Variants in ANK2 observed in about 807,000 individuals in gnomAD.
The protein encoded by ANK2 is ankyrin-2.
ANK2 carries 83 observed loss-of-function variants against 360.5 expected under a neutral mutation model. The observed-to-expected ratio is 0.23, with a 90% CI of 0.19 to 0.28. ANK2 has a LOEUF of 0.28. ANK2 is among the 10% of genes least tolerant of loss of function. The pLI is 1.00. For synonymous variants in ANK2, 1,740 were observed against 1,759.5 expected (o/e 0.99, Z 0.28); for missense variants, 4,201 against 4,795.7 (o/e 0.88, Z 3.66).
chr4:112,927,932 G>T (rs1187871110), intron 2 of ANK2, among the ~76,000 whole-genome samples: 1 of 152,148 alleles, frequency 6.6e-6, no homozygotes, highest in African/African-American at 2.4e-5. Flanking sequence ...GCTGTCACTA[G>T]ATACTTTCCG....
At chr4:112,763,460 C>G in the ANK2 span, among the ~76,000 whole-genome samples, 4 of 151,674 alleles carry the variant, frequency 2.6e-5, no homozygotes, top group African/African-American at 9.7e-5. Flanking sequence ...TCTCGATCTC[C>G]TGACCTCGTG....
At chr4:113,342,498 C>T (rs746334717) in intron 33 of ANK2, among the ~76,000 whole-genome samples, 2 of 152,032 alleles carry the variant, frequency 1.3e-5, no homozygotes, top group Non-Finnish European at 1.5e-5. Context: ...GTCACCAGTT[C>T]GAGACCAACC....
chr4:113,094,050 TC>T (rs1362654526), intron 1 of ANK2, among the ~76,000 whole-genome samples: 1 of 152,232 alleles, frequency 6.6e-6, no homozygotes, highest in African/African-American at 2.4e-5. Flanking sequence ...TCTTGGACCT[TC>T]CTTAATCTGT....
chr4:113,332,894 G>A (rs2092793532), intron 28 of ANK2, 160 bp from the exon 29 acceptor site: 3 of 959,060 alleles, frequency 3.1e-6, no homozygotes, highest in Non-Finnish European at 4.9e-6. Context: ...GAGTGCTACT[G>A]TGTGACCATC....
Position 113,353,961 on chromosome 4 carries a change from GAA to G in ANK2, c.5345_5346del (p.Lys1782ArgfsTer44). On this transcript the variant is annotated frameshift_variant, in exon 38 of 46. Transcript: ENST00000357077. LOFTEE classifies it high-confidence loss of function. ...TTCAGAAGCGAGTGGAAGATGAACAGAAAGGTCGAAGCAAGTTGCCCATCAGA... is the reference window on the plus strand; with the variant it reads ...TTCAGAAGCGAGTGGAAGATGAACAGAGGTCGAAGCAAGTTGCCCATCAGA... ...ALQKRVEDEQ[K>X]GRSKLPIRVK... is the part of the protein sequence containing the mutation. 6.2e-7 allele frequency: 1 copy of G among 1,614,074 alleles called. No individual in the cohort carries two copies. The highest frequency in any genetic ancestry group is 8.5e-7 in the Non-Finnish European group (1 of 1,179,972).
At chr4:113,276,408 T>C (rs1455191564) in intron 15 of ANK2, among the ~76,000 whole-genome samples, 1 of 152,218 alleles carries the variant, frequency 6.6e-6, no homozygotes, top group Non-Finnish European at 1.5e-5. Flanking sequence ...TATTCTACAG[T>C]AGATTTTATG....
At chr4:112,900,466 T>A (rs973952825) in intron 1 of ANK2, among the ~76,000 whole-genome samples, 1 of 152,132 alleles carries the variant, frequency 6.6e-6, no homozygotes, top group Non-Finnish European at 1.5e-5. Flanking sequence ...GTGATTTATG[T>A]CAAAGATGGT....
At chr4:112,951,081 CA>C (rs1184265938) in intron 2 of ANK2, among the ~76,000 whole-genome samples, 1,274 of 55,890 alleles carry the variant, frequency 0.023, 7 homozygotes, top group African/African-American at 0.074. Flanking sequence ...GCCTCCGTCT[CA>C]AAAAAAAAAA....
intron 1 of ANK2, among the ~76,000 whole-genome samples, chr4:113,138,777 A>G (rs1052952464): frequency 6.6e-6 from 1 of 152,228 alleles, no homozygotes; most frequent in South Asian, 2.1e-4. Flanking sequence ...CATGTGTTGA[A>G]GCCCAAAAAA....
At chr4:113,255,591 C>T (rs1334337468) in intron 10 of ANK2, 144 bp from the exon 11 acceptor site, 1 of 764,812 alleles carries the variant, frequency 1.3e-6, no homozygotes, top group Non-Finnish European at 2.1e-6. Context: ...ATATAGTCTG[C>T]TGTATATTCT....
At chr4:113,297,278 C>T (rs1314688007) in intron 22 of ANK2, among the ~76,000 whole-genome samples, 1 of 152,184 alleles carries the variant, frequency 6.6e-6, no homozygotes, top group Non-Finnish European at 1.5e-5. Context: ...GATAGGATTA[C>T]AGGCCTGAGC....
chr4:113,115,786 T>C (rs1048779732), intron 1 of ANK2, among the ~76,000 whole-genome samples: 2 of 152,134 alleles, frequency 1.3e-5, no homozygotes, highest in African/African-American at 4.8e-5. Flanking sequence ...CAAAAACATA[T>C]CATTTTCTAG....
chr4:112,798,349 A>T, the ANK2 span: 1 of 151,800 alleles, frequency 6.6e-6, no homozygotes, highest in East Asian at 1.9e-4. Context: ...GTGCAATGGC[A>T]TGATGTCAGC....
chr4:113,182,942 G>C (rs1412064382), intron 2 of ANK2, among the ~76,000 whole-genome samples: 2 of 152,010 alleles, frequency 1.3e-5, no homozygotes, highest in African/African-American at 4.8e-5. Context: ...TATCAACAGG[G>C]AAGGAAAAAT....
At chr4:113,363,004 A>G (rs1402219581) in intron 39 of ANK2, among the ~76,000 whole-genome samples, 2 of 152,200 alleles carry the variant, frequency 1.3e-5, no homozygotes, top group Admixed American at 1.3e-4. Context: ...TTTATTTTCC[A>G]TTATCTTGCT....
intron 1 of ANK2, among the ~76,000 whole-genome samples, chr4:113,117,591 G>A (rs2154369522): frequency 6.6e-6 from 1 of 152,268 alleles, no homozygotes; most frequent in Non-Finnish European, 1.5e-5. Context: ...GGAGATGCTT[G>A]AGCAGGGTGA....
intron 1 of ANK2, chr4:112,882,066 C>T (rs375338943): frequency 6.2e-5 from 23 of 372,296 alleles, no homozygotes; most frequent in South Asian, 4.5e-4. Context: ...TCCTCAGGCT[C>T]TCATCGGTTG....
chr4:112,870,178 G>C (rs2072405815), intron 1 of ANK2, among the ~76,000 whole-genome samples: 1 of 151,678 alleles, frequency 6.6e-6, no homozygotes, highest in African/African-American at 2.4e-5. Context: ...TTTGTATTTA[G>C]AGATGGGGCT....
At chr4:112,865,882 A>G (rs554880098) in intron 1 of ANK2, among the ~76,000 whole-genome samples, 1 of 152,296 alleles carries the variant, frequency 6.6e-6, no homozygotes, top group African/African-American at 2.4e-5. Context: ...TCATTGCTCT[A>G]AGTTTTAAAG....
Sources: gnomAD v4.1 joint callset for allele counts (sites outside exome capture counted in the v4.1 genomes callset) on GRCh38, gnomAD v4.1.1 for gene constraint, MANE v1.5 for transcripts, NCBI Gene and HGNC (gene_info 2026-07-23, HGNC 2026-07-21) for gene names.